TSHZ3: variants seen among roughly 807,000 people sequenced by gnomAD.
The protein encoded by TSHZ3 is teashirt zinc finger homeobox 3, also known as teashirt homolog 3.
In TSHZ3, 10 loss-of-function variants were observed where a neutral mutation model predicts 64.5. That is an observed-to-expected ratio of 0.16 (90% confidence interval 0.10 to 0.26). The LOEUF (loss-of-function observed/expected upper bound fraction) is 0.26. Ranked by LOEUF, TSHZ3 falls within the 10% of genes least tolerant of loss-of-function variation. TSHZ3 has a pLI of 1.00. For synonymous variants in TSHZ3, 608 were observed against 593.1 expected (o/e 1.03, Z -0.36); for missense variants, 1,242 against 1,421.7 (o/e 0.87, Z 2.03).
chr19:31,349,004 C>CCTCCT, intron 1 of TSHZ3, 176 bp downstream of exon 1: 1 of 779,782 alleles, frequency 1.3e-6, no homozygotes, highest in Non-Finnish European at 1.9e-6. Flanking sequence ...GGCGGGGCGT[C>CCTCCT]CGGGGGGCGC....
chr19:31,340,921 C>T (rs1269395269), intron 1 of TSHZ3, among the ~76,000 whole-genome samples: 1 of 152,278 alleles, frequency 6.6e-6, no homozygotes, highest in Non-Finnish European at 1.5e-5. Flanking sequence ...CAGGGAACCA[C>T]TGCGTTCACC....
chr19:31,194,294 C>T (rs1357793728), intron 5 of TSHZ3, among the ~76,000 whole-genome samples: 1 of 152,206 alleles, frequency 6.6e-6, no homozygotes, highest in Non-Finnish European at 1.5e-5. Context: ...AAAATCCCCT[C>T]ATGCTTCTGG....
exon 5 of TSHZ3, chr19:31,204,966 G>C (rs1303454573): frequency 6.6e-6 from 1 of 152,282 alleles, no homozygotes; most frequent in Admixed American, 6.5e-5. Context: ...CTTTGAAAAG[G>C]TGGATCACGG....
intron 4 of TSHZ3, among the ~76,000 whole-genome samples, chr19:31,223,365 C>CGTGTGTGT (rs10551485): frequency 2.1e-5 from 3 of 142,406 alleles, no homozygotes; most frequent in Admixed American, 7.0e-5. Flanking sequence ...GTTCTTATAA[C>CGTGTGTGT]GTGTGTGTGT....
chr19:31,348,174 G>A (rs1427141859), intron 1 of TSHZ3, among the ~76,000 whole-genome samples: 1 of 152,116 alleles, frequency 6.6e-6, no homozygotes, highest in African/African-American at 2.4e-5. Context: ...GCACTGACAG[G>A]GCCCTCCTGA....
intron 2 of TSHZ3, among the ~76,000 whole-genome samples, chr19:31,242,722 T>C (rs1452398584): frequency 3.3e-5 from 5 of 151,062 alleles, no homozygotes; most frequent in East Asian, 1.9e-4. Context: ...GGAACTCTGA[T>C]GTCCAAAAGC....
chr19:31,264,985 G>A (rs1302191954), intron 1 of TSHZ3, among the ~76,000 whole-genome samples: 1 of 152,172 alleles, frequency 6.6e-6, no homozygotes, highest in Non-Finnish European at 1.5e-5. Context: ...TATACCTTGT[G>A]GAGAGAGTGG....
At chr19:31,240,585 C>T (rs1198802144) in intron 3 of TSHZ3, among the ~76,000 whole-genome samples, 2 of 152,116 alleles carry the variant, frequency 1.3e-5, no homozygotes, top group African/African-American at 2.4e-5. Context: ...TCTTAGTTAT[C>T]ATAAATATAG....
chr19:31,168,416 C>T (rs1407372921), intron 5 of TSHZ3, among the ~76,000 whole-genome samples: 1 of 152,162 alleles, frequency 6.6e-6, no homozygotes, highest in African/African-American at 2.4e-5. Flanking sequence ...AGACTTAGTT[C>T]TAGCATATGT....
chr19:31,293,005 T>C (rs1367397291), intron 1 of TSHZ3, among the ~76,000 whole-genome samples: 20 of 114,966 alleles, frequency 1.7e-4, no homozygotes, highest in Admixed American at 4.2e-4. Flanking sequence ...ATTCATCCAT[T>C]CAAAAATGTA....
chr19:31,332,506 T>C (rs528346011), intron 1 of TSHZ3, among the ~76,000 whole-genome samples: 70 of 152,260 alleles, frequency 4.6e-4, no homozygotes, highest in African/African-American at 1.6e-3. Context: ...TCAGATGTGA[T>C]TGGGGCACAA....
At chr19:31,227,210 C>A (rs1389107447) in intron 4 of TSHZ3, among the ~76,000 whole-genome samples, 2 of 151,732 alleles carry the variant, frequency 1.3e-5, no homozygotes, top group Non-Finnish European at 2.9e-5. Context: ...GAACCCCTGA[C>A]CTCAAGCCAC....
intron 5 of TSHZ3, among the ~76,000 whole-genome samples, chr19:31,168,042 C>T (rs1974479805): frequency 6.6e-6 from 1 of 152,086 alleles, no homozygotes; most frequent in Non-Finnish European, 1.5e-5. Flanking sequence ...TGGGGGAACC[C>T]ACAAATAAGC....
At chr19:31,204,397 T>C (rs1157650982) in intron 5 of TSHZ3, among the ~76,000 whole-genome samples, 2 of 151,498 alleles carry the variant, frequency 1.3e-5, no homozygotes, top group African/African-American at 4.8e-5. Flanking sequence ...CCTTCCTTGG[T>C]ACCTCCATTC....
chr19:31,159,463 G>C (rs868771155), intron 5 of TSHZ3, among the ~76,000 whole-genome samples: 1 of 152,068 alleles, frequency 6.6e-6, no homozygotes, highest in East Asian at 1.9e-4. Context: ...CTTTATTTTG[G>C]CTATCACAAT....
At chr19:31,246,917 G>T (rs114045879) in intron 1 of TSHZ3, among the ~76,000 whole-genome samples, 2,735 of 152,132 alleles carry the variant, frequency 0.018, 82 homozygotes, top group African/African-American at 0.063. Flanking sequence ...AAGCCAATTT[G>T]CAGAGACTCC....
At chr19:31,339,173 C>T (rs1020619421) in intron 1 of TSHZ3, among the ~76,000 whole-genome samples, 2 of 151,610 alleles carry the variant, frequency 1.3e-5, no homozygotes, top group Non-Finnish European at 2.9e-5. Flanking sequence ...TGAATGATAC[C>T]TGTCAACCTT....
At chr19:31,217,794 T>A (rs997851208) in intron 4 of TSHZ3, among the ~76,000 whole-genome samples, 3 of 152,172 alleles carry the variant, frequency 2.0e-5, no homozygotes, top group African/African-American at 7.2e-5. Flanking sequence ...GCCCTGAAAC[T>A]CCTCTGTGCT....
At chr19:31,248,675 C>T (rs1211848594) in intron 1 of TSHZ3, among the ~76,000 whole-genome samples, 2 of 150,944 alleles carry the variant, frequency 1.3e-5, no homozygotes, top group Non-Finnish European at 2.9e-5. Flanking sequence ...CCTGTGGTCC[C>T]AGCTACTTGG....
Sources: allele counts gnomAD v4.1 joint callset (sites outside exome capture counted in the v4.1 genomes callset), GRCh38; gene constraint gnomAD v4.1.1; transcripts MANE v1.5; gene names NCBI Gene and HGNC (gene_info 2026-07-23, HGNC 2026-07-21).